Variants in PEX5L observed in about 807,000 individuals in gnomAD.
PEX5L encodes the protein peroxisomal biogenesis factor 5 like.
In PEX5L, 30 loss-of-function variants were observed where a neutral mutation model predicts 84.0. That is an observed-to-expected ratio of 0.36 (90% CI 0.27 to 0.48). The LOEUF is 0.48. PEX5L is among the 20% of genes least tolerant of loss of function. The pLI is 0.99. For synonymous variants in PEX5L, 270 were observed against 283.1 expected (o/e 0.95, Z 0.46); for missense variants, 533 against 754.6 (o/e 0.71, Z 3.44).
chr3:179,886,072 T>A (rs1337371647), intron 4 of PEX5L, among the ~76,000 whole-genome samples: 1 of 152,230 alleles, frequency 6.6e-6, no homozygotes, highest in Non-Finnish European at 1.5e-5. Context: ...AGCTTTTGAA[T>A]CAAATCTTAT....
chr3:179,798,548 A>C lies in PEX5L; in HGVS notation c.*3280T>G, dbSNP rs1238306628. On this transcript the variant is annotated 3_prime_UTR_variant, in exon 15 of 15. Transcript: ENST00000467460. ...CTGGCTTTCTCTTTATTTTCATCCA[A>C]TCTACAGGCGAAGTCAGTCCCTGGA... 6.6e-6 allele frequency: 1 copy of C among 152,170 alleles called. No homozygotes were observed. The highest frequency in any genetic ancestry group is 1.5e-5 in the Non-Finnish European group (1 of 68,050). The allele number at this position is 152,170 out of a possible 1,614,324, so 9.4% of individuals were successfully genotyped here.
intron 5 of PEX5L, among the ~76,000 whole-genome samples, chr3:179,875,821 G>A (rs950508283): frequency 1.3e-5 from 2 of 152,216 alleles, no homozygotes; most frequent in Admixed American, 6.5e-5. Flanking sequence ...AAGCCTGTGC[G>A]ATCTGGTGTA....
At chr3:179,905,920 T>C (rs1333979131) in intron 2 of PEX5L, among the ~76,000 whole-genome samples, 1 of 152,226 alleles carries the variant, frequency 6.6e-6, no homozygotes, top group African/African-American at 2.4e-5. Context: ...AATAAATATA[T>C]GTACTGGATA....
At chr3:179,939,397 G>A (rs1204426674) in intron 2 of PEX5L, among the ~76,000 whole-genome samples, 2 of 152,076 alleles carry the variant, frequency 1.3e-5, no homozygotes, top group African/African-American at 4.8e-5. Flanking sequence ...AAAACTCTAG[G>A]GGTTGGGCTC....
At chr3:179,957,774 C>T (rs1392281010) in intron 2 of PEX5L, among the ~76,000 whole-genome samples, 1 of 152,138 alleles carries the variant, frequency 6.6e-6, no homozygotes, top group Non-Finnish European at 1.5e-5. Flanking sequence ...TACGTAGCAC[C>T]TCAGACACAA....
intron 1 of PEX5L, chr3:179,973,256 G>C (rs1211425492): frequency 3.9e-6 from 5 of 1,288,876 alleles, no homozygotes; most frequent in Non-Finnish European, 5.1e-6. Flanking sequence ...AGACATCCCA[G>C]AATTCTTTAT....
chr3:179,955,911 T>C (rs979257989), intron 2 of PEX5L, among the ~76,000 whole-genome samples: 1 of 152,162 alleles, frequency 6.6e-6, no homozygotes, highest in African/African-American at 2.4e-5. Context: ...GTAATCATTA[T>C]GGATGTGTTC....
intron 1 of PEX5L, among the ~76,000 whole-genome samples, chr3:180,020,235 G>T (rs1790309991): frequency 6.6e-6 from 1 of 151,962 alleles, no homozygotes. Flanking sequence ...GCAATTAATT[G>T]ATAAAATAAA....
intron 10 of PEX5L, among the ~76,000 whole-genome samples, chr3:179,814,706 C>A (rs752260957): frequency 6.6e-6 from 1 of 152,094 alleles, no homozygotes; most frequent in Non-Finnish European, 1.5e-5. Context: ...GGTGGTCTCC[C>A]AGCCTCTGTC....
intron 1 of PEX5L, among the ~76,000 whole-genome samples, chr3:180,006,899 G>C (rs1017567627): frequency 6.6e-6 from 1 of 152,048 alleles, no homozygotes; most frequent in Non-Finnish European, 1.5e-5. Context: ...ATGAGATTTG[G>C]GTGGGGACAC....
chr3:180,015,816 C>T (rs2110486277), intron 1 of PEX5L, among the ~76,000 whole-genome samples: 1 of 149,908 alleles, frequency 6.7e-6, no homozygotes, highest in South Asian at 2.1e-4. Context: ...ATTTTCTTGA[C>T]TTTTGTCTTG....
intron 8 of PEX5L, among the ~76,000 whole-genome samples, chr3:179,823,204 CAT>C (rs1445404279): frequency 6.6e-6 from 1 of 152,178 alleles, no homozygotes; most frequent in Non-Finnish European, 1.5e-5. Flanking sequence ...GCTGTAAAAA[CAT>C]ATTCTTCTTC....
chr3:179,828,613 G>C (rs1311589669), intron 8 of PEX5L, among the ~76,000 whole-genome samples: 1 of 151,926 alleles, frequency 6.6e-6, no homozygotes, highest in Non-Finnish European at 1.5e-5. Context: ...TCTCTGAGAG[G>C]GGTATGTGAG....
chr3:179,991,357 C>T (rs193056124), intron 1 of PEX5L, among the ~76,000 whole-genome samples: 1 of 152,328 alleles, frequency 6.6e-6, no homozygotes, highest in East Asian at 1.9e-4. Flanking sequence ...ACTGCAGACT[C>T]ATGCTGTTTT....
At chr3:179,893,842 T>G (rs897062516) in intron 3 of PEX5L, among the ~76,000 whole-genome samples, 1 of 152,168 alleles carries the variant, frequency 6.6e-6, no homozygotes, top group African/African-American at 2.4e-5. Flanking sequence ...TTTACCTCAT[T>G]TAAATAATAG....
At chr3:179,894,133 T>A (rs1758461128) in intron 3 of PEX5L, among the ~76,000 whole-genome samples, 1 of 152,086 alleles carries the variant, frequency 6.6e-6, no homozygotes, top group African/African-American at 2.4e-5. Context: ...TTGAACTACT[T>A]GTTTATGGTT....
At chr3:179,832,781 C>T (rs754688519) in intron 8 of PEX5L, among the ~76,000 whole-genome samples, 36 of 151,400 alleles carry the variant, frequency 2.4e-4, no homozygotes, top group Non-Finnish European at 3.7e-4. Context: ...CCTACTTACC[C>T]GCCCATCTAC....
intron 1 of PEX5L, among the ~76,000 whole-genome samples, chr3:180,029,366 T>G (rs1791245834): frequency 6.6e-6 from 1 of 152,270 alleles, no homozygotes; most frequent in Non-Finnish European, 1.5e-5. Flanking sequence ...AGAACTATTA[T>G]GTCCCCACTC....
chr3:179,951,932 C>A (rs1007246944), intron 2 of PEX5L, among the ~76,000 whole-genome samples: 50 of 152,308 alleles, frequency 3.3e-4, no homozygotes, highest in African/African-American at 1.2e-3. Flanking sequence ...TTTATTTCCA[C>A]ATCCCAGCTC....
Sources: gnomAD v4.1 joint callset for allele counts (sites outside exome capture counted in the v4.1 genomes callset) on GRCh38, gnomAD v4.1.1 for gene constraint, MANE v1.5 for transcripts, NCBI Gene and HGNC (gene_info 2026-07-23, HGNC 2026-07-21) for gene names.